MACROD2: variants seen among roughly 807,000 people sequenced by gnomAD.
MACROD2 encodes mono-ADP ribosylhydrolase 2.
A neutral mutation model predicts 70.4 loss-of-function variants in MACROD2; 36 were observed. The observed-to-expected ratio is 0.51, with a 90% confidence interval of 0.39 to 0.68. The LOEUF is 0.68. MACROD2 is among the 30% of genes least tolerant of loss of function. The pLI is 0.00. For synonymous variants in MACROD2, 172 were observed against 178.8 expected (o/e 0.96, Z 0.30); for missense variants, 496 against 538.4 (o/e 0.92, Z 0.78).
intron 5 of MACROD2, among the ~76,000 whole-genome samples, chr20:14,901,787 T>C (rs950518539): frequency 5.3e-5 from 8 of 152,156 alleles, no homozygotes; most frequent in Non-Finnish European, 1.0e-4. Context: ...CTAGCCTCAT[T>C]TGCCAGACAG....
chr20:15,956,109 T>C (rs2065973255), intron 12 of MACROD2, among the ~76,000 whole-genome samples: 1 of 152,220 alleles, frequency 6.6e-6, no homozygotes, highest in Non-Finnish European at 1.5e-5. Flanking sequence ...AAATACTCAC[T>C]AGCCACATGT....
At chr20:15,230,170 A>G in intron 6 of MACROD2, 109 bp downstream of exon 6, 1 of 1,050,344 alleles carries the variant, frequency 9.5e-7, no homozygotes, top group Non-Finnish European at 1.3e-6. Context: ...TTTGAGAACT[A>G]AGTTTAAGGA....
At chr20:14,851,337 G>A (rs1398068068) in intron 5 of MACROD2, among the ~76,000 whole-genome samples, 1 of 152,120 alleles carries the variant, frequency 6.6e-6, no homozygotes, top group Non-Finnish European at 1.5e-5. Flanking sequence ...AGTTGCTAAT[G>A]AATTTTGGTC....
rs1391445921 is a variant in MACROD2 at position 15,262,151 on chromosome 20, A to T, written c.540+32090A>T. Among the ~76,000 whole-genome samples the T allele has an allele frequency of 2.0e-5, 3 of 151,880 alleles. No homozygotes were observed. The East Asian group carries it at 5.8e-4, about 29-fold the overall frequency. ...TCAAATACTAGATCTTATTTCTTCT[A>T]TGTAACTATATTTTTGTACCCATTA... On this transcript the variant is annotated intron_variant, in intron 6 of 17. Transcript: ENST00000684519.
intron 5 of MACROD2, among the ~76,000 whole-genome samples, chr20:14,976,910 T>C (rs2074745125): frequency 1.3e-5 from 2 of 151,584 alleles, no homozygotes; most frequent in Non-Finnish European, 2.9e-5. Flanking sequence ...GTACAGTCAA[T>C]TATTATTCCT....
intron 5 of MACROD2, among the ~76,000 whole-genome samples, chr20:15,100,725 C>T (rs946338739): frequency 6.6e-6 from 1 of 152,094 alleles, no homozygotes; most frequent in Non-Finnish European, 1.5e-5. Context: ...GTTGATCTGC[C>T]TGGAACCTTC....
intron 3 of MACROD2, among the ~76,000 whole-genome samples, chr20:14,164,127 A>G (rs549999288): frequency 6.6e-6 from 1 of 151,434 alleles, no homozygotes; most frequent in East Asian, 2.0e-4. Context: ...TTGAAGATGT[A>G]TCATGGTATT....
At chr20:15,926,908 A>G (rs2065498795) in intron 10 of MACROD2, among the ~76,000 whole-genome samples, 1 of 152,212 alleles carries the variant, frequency 6.6e-6, no homozygotes, top group Non-Finnish European at 1.5e-5. Flanking sequence ...ACTTTAAAAC[A>G]AACCAGCTAG....
intron 3 of MACROD2, among the ~76,000 whole-genome samples, chr20:14,112,454 C>G (rs1048474193): frequency 6.6e-6 from 1 of 151,862 alleles, no homozygotes; most frequent in African/African-American, 2.4e-5. Flanking sequence ...TGCATTCCTG[C>G]ATTAACATAT....
At chr20:15,358,673 CA>C (rs932403638) in intron 6 of MACROD2, among the ~76,000 whole-genome samples, 1 of 152,156 alleles carries the variant, frequency 6.6e-6, no homozygotes, top group African/African-American at 2.4e-5. Context: ...GTGACTTAAA[CA>C]ACATTCATTT....
chr20:14,467,189 C>G (rs965657317), intron 3 of MACROD2, among the ~76,000 whole-genome samples: 1 of 152,148 alleles, frequency 6.6e-6, no homozygotes, highest in African/African-American at 2.4e-5. Context: ...CCACCCAGTT[C>G]GAGCTTCCTG....
intron 8 of MACROD2, among the ~76,000 whole-genome samples, chr20:15,835,259 A>AT (rs33940149): frequency 4.9e-4 from 4 of 8,110 alleles, no homozygotes; most frequent in Non-Finnish European, 8.1e-4. Context: ...AATAATTATT[A>AT]ATTCAGTAAT....
At chr20:15,092,708 A>T (rs1165568040) in intron 5 of MACROD2, among the ~76,000 whole-genome samples, 2 of 152,102 alleles carry the variant, frequency 1.3e-5, no homozygotes, top group South Asian at 2.1e-4. Context: ...TTGGAGAAAA[A>T]ATATAAATAT....
chr20:15,469,163 G>T (rs2046932984), intron 7 of MACROD2, among the ~76,000 whole-genome samples: 1 of 152,116 alleles, frequency 6.6e-6, no homozygotes, highest in Non-Finnish European at 1.5e-5. Context: ...GTAATACATG[G>T]TCCTGATCCT....
chr20:14,555,215 A>G (rs1204829084), intron 4 of MACROD2, among the ~76,000 whole-genome samples: 1 of 152,148 alleles, frequency 6.6e-6, no homozygotes, highest in African/African-American at 2.4e-5. Context: ...CCGTATCAAA[A>G]CATCTCATGT....
At chr20:14,160,605 G>C (rs1158687737) in intron 3 of MACROD2, among the ~76,000 whole-genome samples, 1 of 151,686 alleles carries the variant, frequency 6.6e-6, no homozygotes, top group Non-Finnish European at 1.5e-5. Flanking sequence ...TTGGGTCTTT[G>C]CTCTTCTTTT....
At chr20:15,496,612 C>T (rs966042716) in intron 7 of MACROD2, among the ~76,000 whole-genome samples, 11 of 152,102 alleles carry the variant, frequency 7.2e-5, no homozygotes, top group South Asian at 2.1e-4. Context: ...AGTATTTATT[C>T]GTTTTTTATA....
At chr20:15,087,016 T>C (rs888998320) in intron 5 of MACROD2, among the ~76,000 whole-genome samples, 1 of 152,154 alleles carries the variant, frequency 6.6e-6, no homozygotes, top group Non-Finnish European at 1.5e-5. Context: ...AAAACATTTT[T>C]ACTCTTTGAT....
chr20:14,687,461 A>G (rs1196253729), intron 5 of MACROD2, among the ~76,000 whole-genome samples: 1 of 152,216 alleles, frequency 6.6e-6, no homozygotes, highest in Non-Finnish European at 1.5e-5. Context: ...GACTTGCACA[A>G]TACCAGGCAC....
Sources: gnomAD v4.1 joint callset for allele counts (sites outside exome capture counted in the v4.1 genomes callset) on GRCh38, gnomAD v4.1.1 for gene constraint, MANE v1.5 for transcripts, NCBI Gene and HGNC (gene_info 2026-07-23, HGNC 2026-07-21) for gene names.